The following SHANK2 variants were observed in gnomAD, a reference collection of about 807,000 sequenced individuals.
SHANK2 encodes SH3 and multiple ankyrin repeat domains 2.
In SHANK2, 43 loss-of-function variants were observed where a neutral mutation model predicts 133.7. The observed-to-expected ratio is 0.32, with a 90% CI of 0.25 to 0.41. The LOEUF (loss-of-function observed/expected upper bound fraction) is 0.41, where lower values mean the gene tolerates loss of function less well. Among genes scored for constraint, SHANK2 ranks in the 10% least tolerant of loss-of-function variants. The pLI is 1.00. For missense variants in SHANK2, 1,994 were observed against 2,235.8 expected (o/e 0.89, Z 2.18); for synonymous variants, 1,017 against 952.8 (o/e 1.07, Z -1.24).
chr11:70,744,844 C>T (rs1300781220), intron 14 of SHANK2, among the ~76,000 whole-genome samples: 1 of 152,226 alleles, frequency 6.6e-6, no homozygotes, highest in East Asian at 1.9e-4. Flanking sequence ...CTTGGTCAAG[C>T]ACACAGGCCA....
intron 17 of SHANK2, among the ~76,000 whole-genome samples, chr11:70,504,837 C>G (rs11607284): frequency 0.1 from 15,752 of 152,144 alleles, 1,118 homozygotes; most frequent in Non-Finnish European, 0.15. Flanking sequence ...CCTCGCTGCT[C>G]TGGTACAGAC....
intron 14 of SHANK2, among the ~76,000 whole-genome samples, chr11:70,721,455 C>A (rs1355692422): frequency 2.6e-5 from 4 of 152,226 alleles, no homozygotes; most frequent in African/African-American, 9.6e-5. Context: ...TGCTCCACCA[C>A]AGGGAATTGT....
chr11:71,101,624 T>A (rs1177193291), intron 6 of SHANK2, among the ~76,000 whole-genome samples: 2 of 152,324 alleles, frequency 1.3e-5, no homozygotes, highest in East Asian at 3.9e-4. Context: ...TGCCGTTAGT[T>A]CTGGGGAATC....
intron 1 of SHANK2, among the ~76,000 whole-genome samples, chr11:71,243,297 A>G (rs1480568070): frequency 1.3e-5 from 2 of 152,238 alleles, no homozygotes; most frequent in East Asian, 3.8e-4. Flanking sequence ...GAAAAGATCA[A>G]CGAAATTTAC....
At chr11:71,065,230 T>A (rs1438441614) in intron 9 of SHANK2, among the ~76,000 whole-genome samples, 2 of 151,992 alleles carry the variant, frequency 1.3e-5, no homozygotes, top group African/African-American at 4.8e-5. Context: ...AAGCAGTGAG[T>A]GGGGAAGTTA....
chr11:70,787,333 G>GACC (rs1314851145), intron 14 of SHANK2, among the ~76,000 whole-genome samples: 2 of 38,038 alleles, frequency 5.3e-5, no homozygotes, highest in East Asian at 7.9e-4. Flanking sequence ...TGACCACCAT[G>GACC]ACCACCACCA....
chr11:70,558,862 C>G (rs367609356), intron 17 of SHANK2, among the ~76,000 whole-genome samples: 47 of 152,222 alleles, frequency 3.1e-4, no homozygotes, highest in African/African-American at 1.0e-3. Flanking sequence ...AGCAGCACAG[C>G]TGCTGCATGG....
At chr11:70,898,365 T>TG (rs1555076142) in intron 10 of SHANK2, among the ~76,000 whole-genome samples, 1 of 151,370 alleles carries the variant, frequency 6.6e-6, no homozygotes, top group Non-Finnish European at 1.5e-5. Context: ...ATGGTGTTGG[T>TG]GAAAAAAACC....
chr11:70,861,580 T>G (rs1338713877), intron 11 of SHANK2, among the ~76,000 whole-genome samples: 3 of 152,196 alleles, frequency 2.0e-5, no homozygotes, highest in African/African-American at 7.2e-5. Context: ...TTTTAAACCA[T>G]GCAAACATCC....
chr11:70,918,832 TAAA>T (rs1555080296), intron 10 of SHANK2, among the ~76,000 whole-genome samples: 2 of 152,040 alleles, frequency 1.3e-5, no homozygotes, highest in African/African-American at 4.8e-5. Context: ...AGTTGACAAA[TAAA>T]AATAGTATAC....
chr11:70,520,325 C>T (rs1279660867), intron 17 of SHANK2, among the ~76,000 whole-genome samples: 1 of 152,234 alleles, frequency 6.6e-6, no homozygotes, highest in Non-Finnish European at 1.5e-5. Flanking sequence ...TTAGTTGCTG[C>T]TCTAGGCTCT....
intron 17 of SHANK2, chr11:70,634,461 G>A (rs1431957595): frequency 6.6e-6 from 1 of 152,198 alleles, no homozygotes; most frequent in Non-Finnish European, 1.5e-5. Flanking sequence ...GGCAGCTAAA[G>A]AATGGGAGGA....
intron 3 of SHANK2, among the ~76,000 whole-genome samples, chr11:71,132,222 G>A (rs1223781158): frequency 6.6e-6 from 1 of 152,194 alleles, no homozygotes; most frequent in African/African-American, 2.4e-5. Flanking sequence ...CAGGCTGGAG[G>A]AATCGCCCAG....
chr11:71,101,917 G>A (rs1169325438), intron 6 of SHANK2, among the ~76,000 whole-genome samples: 1 of 152,142 alleles, frequency 6.6e-6, no homozygotes, highest in African/African-American at 2.4e-5. Flanking sequence ...CCCCGACCCT[G>A]GAAACAGATT....
chr11:71,217,121 C>T (rs181086116), intron 2 of SHANK2, among the ~76,000 whole-genome samples: 154 of 151,760 alleles, frequency 1.0e-3, no homozygotes, highest in African/African-American at 3.7e-3. Context: ...CGCTTGAACC[C>T]GGGGGGTAGA....
chr11:70,478,866 G>A (rs907793232), intron 25 of SHANK2, among the ~76,000 whole-genome samples: 2 of 152,236 alleles, frequency 1.3e-5, no homozygotes, highest in African/African-American at 4.8e-5. Flanking sequence ...ACCTGGGAGT[G>A]GGGCAGGCAG....
At chr11:70,821,600 T>A (rs1454331594) in intron 11 of SHANK2, among the ~76,000 whole-genome samples, 3 of 152,104 alleles carry the variant, frequency 2.0e-5, no homozygotes, top group Admixed American at 1.3e-4. Context: ...AATTTTTGTA[T>A]TTTTAGTAGA....
chr11:71,226,085 C>A (rs782079715), intron 1 of SHANK2, among the ~76,000 whole-genome samples: 1 of 152,150 alleles, frequency 6.6e-6, no homozygotes. Context: ...TCATGCCATG[C>A]ACTCCAGCCT....
intron 2 of SHANK2, among the ~76,000 whole-genome samples, chr11:71,212,859 G>A (rs1388120736): frequency 2.0e-5 from 3 of 151,792 alleles, no homozygotes; most frequent in Non-Finnish European, 4.4e-5. Context: ...AACAGCAGGT[G>A]GAGGCACAGG....
Sources: gnomAD v4.1 joint callset for allele counts (sites outside exome capture counted in the v4.1 genomes callset) on GRCh38, gnomAD v4.1.1 for gene constraint, MANE v1.5 for transcripts, NCBI Gene and HGNC (gene_info 2026-07-23, HGNC 2026-07-21) for gene names.